Variants in PAGE1 observed in about 807,000 individuals in gnomAD.
PAGE1 encodes the protein PAGE family member 1.
In PAGE1, 6 loss-of-function variants were observed where a neutral mutation model predicts 11.5. The observed-to-expected ratio is 0.52, with a 90% CI of 0.29 to 1.03. PAGE1 has a LOEUF of 1.03. Among genes scored for constraint, PAGE1 ranks in the 50% least tolerant of loss-of-function variants. The pLI, the probability that PAGE1 is intolerant of heterozygous loss-of-function variation, is 0.09. For synonymous variants in PAGE1, 42 were observed against 40.2 expected (o/e 1.05, Z -0.17); for missense variants, 120 against 110.2 (o/e 1.09, Z -0.40).
intron 3 of PAGE1, among the ~76,000 whole-genome samples, chrX:49,692,751 A>G (rs782321899): frequency 3.6e-5 from 4 of 110,706 alleles, no homozygotes; most frequent in African/African-American, 6.6e-5. Flanking sequence ...AACAAACTTT[A>G]CATGTTTGTT....
intron 1 of PAGE1, among the ~76,000 whole-genome samples, chrX:49,695,126 C>T (rs1157063228): frequency 1.8e-5 from 2 of 113,025 alleles, no homozygotes; most frequent in Middle Eastern, 9.1e-3. Context: ...CTGCCTCGTC[C>T]GGAGTAGCTG....
chrX:49,694,071 C>G (rs782735278), intron 3 of PAGE1, 28 bp downstream of exon 3: 7 of 900,813 alleles, frequency 7.8e-6, no homozygotes, highest in Non-Finnish European at 8.0e-6. Context: ...CACACCCCAA[C>G]AGGCATTCTT....
chrX:49,692,146 GA>G (rs201192291), intron 3 of PAGE1, among the ~76,000 whole-genome samples: 5,264 of 102,244 alleles, frequency 0.051, 253 homozygotes, highest in African/African-American at 0.15. Context: ...GACTCCGTCT[GA>G]AAAAAAAAAA....
chrX:49,689,720 ATATG>A (rs1557141718), intron 4 of PAGE1, among the ~76,000 whole-genome samples, 177 bp from the exon 5 acceptor site: 5 of 63,322 alleles, frequency 7.9e-5, no homozygotes, highest in African/African-American at 3.4e-4. Context: ...ATATATGTAT[ATATG>A]TATATATACA....
intron 2 of PAGE1, 24 bp from the exon 3 acceptor site, chrX:49,694,225 G>A: frequency 1.0e-6 from 1 of 986,250 alleles, no homozygotes; most frequent in Non-Finnish European, 1.4e-6. Context: ...ATATGTGTGT[G>A]AGTGTGCAAA....
chrX:49,689,752 GTATA>G (rs1303378171), intron 4 of PAGE1, among the ~76,000 whole-genome samples: 1 of 58,863 alleles, frequency 1.7e-5, no homozygotes, highest in Non-Finnish European at 2.9e-5. Context: ...ATGTATATGT[GTATA>G]TATACATATA....
Position 49,694,341 on chromosome X carries a change from C to G in PAGE1, c.64-140G>C, listed in dbSNP as rs781914010. 17 of 431,467 alleles carry G rather than the reference C, an allele frequency of 3.9e-5. No individual in the cohort carries two copies. The South Asian group carries it at 5.2e-4, about 13-fold the overall frequency. 35.6% of individuals were successfully genotyped at this position (431,467 alleles called of 1,213,427 possible). On this transcript the variant is annotated intron_variant, in intron 2 of 5. Transcript: ENST00000376150. ...ACTAAACCTAAAAATATTTCTCCAACTTTATTCTATATGGTTAATAAGGCT... is the reference window on the plus strand; with the variant it reads ...ACTAAACCTAAAAATATTTCTCCAAGTTTATTCTATATGGTTAATAAGGCT...
At chrX:49,688,322 A>C (rs2066891185) in intron 5 of PAGE1, among the ~76,000 whole-genome samples, 1 of 111,550 alleles carries the variant, frequency 9.0e-6, no homozygotes, top group African/African-American at 3.3e-5. Context: ...GGATCACTTG[A>C]GCCTGGGAGG....
At chrX:49,691,869 G>A (rs1311839048) in intron 3 of PAGE1, among the ~76,000 whole-genome samples, 1 of 112,186 alleles carries the variant, frequency 8.9e-6, no homozygotes, top group Non-Finnish European at 1.9e-5. Flanking sequence ...GGGCGTGGTG[G>A]CTCACACCTG....
intron 5 of PAGE1, among the ~76,000 whole-genome samples, chrX:49,688,637 A>T (rs1324806558): frequency 8.9e-6 from 1 of 111,803 alleles, no homozygotes; most frequent in Non-Finnish European, 1.9e-5. Flanking sequence ...AGAGTATGAA[A>T]GAACCAGAAT....
Position 49,691,411 on chromosome X carries a change from A to G in PAGE1, c.167-37T>C, listed in dbSNP as rs1164060762. 11 of 1,122,968 alleles carry G rather than the reference A, an allele frequency of 9.8e-6. No homozygotes were observed. The East Asian group carries it at 1.5e-4, about 16-fold the overall frequency. 92.5% of individuals were successfully genotyped at this position (1,122,968 alleles called of 1,213,427 possible). On this transcript the variant is annotated intron_variant, in intron 3 of 5. Coordinates refer to ENST00000376150, the MANE Select transcript of PAGE1 (RefSeq NM_003785.4). ...AACAAAATTATCATTTTAAGCAGCAACACATGAAATATGAATAAGAAAATA... is the reference window on the plus strand; with the variant it reads ...AACAAAATTATCATTTTAAGCAGCAGCACATGAAATATGAATAAGAAAATA...
chrX:49,690,507 A>C (rs1020008673), intron 4 of PAGE1, among the ~76,000 whole-genome samples: 1 of 110,460 alleles, frequency 9.1e-6, no homozygotes, highest in African/African-American at 3.3e-5. Flanking sequence ...AGCCACCAAT[A>C]AACGCTGAGT....
intron 4 of PAGE1, among the ~76,000 whole-genome samples, chrX:49,690,108 TACAC>T (rs781934795): frequency 2.9e-5 from 2 of 69,573 alleles, no homozygotes; most frequent in Admixed American, 3.0e-4. Context: ...TGTGTATATA[TACAC>T]ATATATATGT....
intron 3 of PAGE1, among the ~76,000 whole-genome samples, chrX:49,693,360 C>A (rs1557142436): frequency 8.9e-6 from 1 of 111,902 alleles, no homozygotes; most frequent in African/African-American, 3.2e-5. Context: ...TTCTAGATAC[C>A]TTTAACAGTG....
At position 49,694,593 on chromosome X, in the gene PAGE1, A is replaced by G. The variant is rs782488232; in HGVS notation, c.63+115T>C. ...AATCTTATTTTTTTAATCAGCATGA[A>G]CTACCTTTATTAGTGTATCTATACT... On this transcript the variant is annotated intron_variant, in intron 2 of 5. Transcript: ENST00000376150. The G allele has an allele frequency of 6.1e-5, 26 of 424,920 alleles. No individual in the cohort carries two copies. In the Admixed American group the frequency reaches 8.7e-4, roughly 14 times the overall value. 35.0% of individuals were successfully genotyped at this position (424,920 alleles called of 1,213,427 possible). A position where few individuals can be genotyped will look rare whatever the true frequency, so the allele number is the denominator to read the frequency against.
rs781977312 is a variant in PAGE1, at chrX:49,691,232, C to A, written c.292+17G>T. ...AAACAGACACCCTACAATTTGCATG[C>A]TTAATGGACTACCTACCTTCTGCGG... On this transcript the variant is annotated intron_variant, in intron 4 of 5. Transcript: ENST00000376150. 8.3e-7 allele frequency: 1 copy of A among 1,205,472 alleles called. No homozygotes were observed. Among genetic ancestry groups the A allele is most frequent in the South Asian group, 1.8e-5 (1 of 55,422 alleles).
chrX:49,694,740 G>A lies in PAGE1; in HGVS notation c.31C>T (p.Arg11Cys), dbSNP rs782520260. The A allele has an allele frequency of 5.0e-6, 6 of 1,197,907 alleles. No individual in the cohort carries two copies. The highest frequency in any genetic ancestry group is 4.5e-6 in the Non-Finnish European group (4 of 884,518). Residue 11 changes from arginine (R) to cysteine (C), a missense_variant, in exon 2 of 6, where the codon CGT becomes TGT. Arg to Cys is a radical substitution (Grantham distance 180, BLOSUM62 -3). Transcript: ENST00000376150. MGFLRRLIYR[R>C]RPMIYVESSE... is the part of the protein sequence containing the mutation. Reference sequence around the variant, plus strand: ...GATTCTACATAGATCATTGGTCTACGCCGATAGATTAATCTTCTTAGAAAA... The same window carrying A: ...GATTCTACATAGATCATTGGTCTACACCGATAGATTAATCTTCTTAGAAAA...
intron 1 of PAGE1, among the ~76,000 whole-genome samples, chrX:49,695,391 C>T (rs781840687): frequency 3.6e-5 from 4 of 111,519 alleles, no homozygotes; most frequent in Non-Finnish European, 7.5e-5. Flanking sequence ...GCTTCTCACT[C>T]GGGTGTTTCT....
In PAGE1 at chrX:49,689,439, C is replaced by T; in HGVS notation, c.397G>A (p.Glu133Lys). ...CTACCTTCCTCAGGTGTTTTCACCTCCTCTGGATTTGGCAGGCCCAACTCC... is the reference window on the plus strand; with the variant it reads ...CTACCTTCCTCAGGTGTTTTCACCTTCTCTGGATTTGGCAGGCCCAACTCC... ...VQELGLPNPE[E>K]VKTPEEDEGQ... The change falls in exon 5 of 6, where the codon GAG becomes AAG. Residue 133 changes from glutamate to lysine, a missense_variant. Coordinates refer to ENST00000376150, the MANE Select transcript of PAGE1 (RefSeq NM_003785.4). 1 of 1,102,397 alleles carries T rather than the reference C, an allele frequency of 9.1e-7. No homozygotes were observed. The highest frequency in any genetic ancestry group is 2.0e-5 in the African/African-American group (1 of 50,345). 90.8% of individuals were successfully genotyped at this position (1,102,397 alleles called of 1,213,427 possible).
Sources: allele counts gnomAD v4.1 joint callset (sites outside exome capture counted in the v4.1 genomes callset), GRCh38; gene constraint gnomAD v4.1.1; transcripts MANE v1.5; gene names NCBI Gene and HGNC (gene_info 2026-07-23, HGNC 2026-07-21).